FIGNL2: variants seen among roughly 807,000 people sequenced by gnomAD.
FIGNL2 encodes the protein fidgetin like 2.
For synonymous variants in FIGNL2, 565 were observed against 484.0 expected (o/e 1.17, Z -2.20); for missense variants, 1,060 against 950.2 (o/e 1.12, Z -1.52).
chr12:51,822,536 C>G, intron 1 of FIGNL2, 112 bp from the exon 2 acceptor site: 1 of 1,209,790 alleles, frequency 8.3e-7, no homozygotes, highest in Non-Finnish European at 1.2e-6. Context: ...GCTGGGCTTC[C>G]GGCATCCACC....
chr12:51,830,221 G>A (rs1470302354), intron 1 of FIGNL2, among the ~76,000 whole-genome samples: 3 of 151,370 alleles, frequency 2.0e-5, no homozygotes, highest in Admixed American at 6.6e-5. Context: ...CCTGGAAGGC[G>A]GAGGTTGCAG....
At chr12:51,845,407 A>C in intron 1 of FIGNL2, 17 of 949,588 alleles carry the variant, frequency 1.8e-5, no homozygotes, top group Non-Finnish European at 2.1e-5. Context: ...GGACCAGCCC[A>C]AGGCTAAGGT....
chr12:51,832,087 C>A (rs1353506506), intron 1 of FIGNL2, among the ~76,000 whole-genome samples: 11 of 152,082 alleles, frequency 7.2e-5, no homozygotes, highest in Non-Finnish European at 8.8e-5. Context: ...CACGATCTTG[C>A]CTCGCTGCAA....
At chr12:51,835,805 CTTTT>C (rs34284176) in intron 1 of FIGNL2, among the ~76,000 whole-genome samples, 13 of 139,998 alleles carry the variant, frequency 9.3e-5, no homozygotes, top group Admixed American at 2.1e-4. Flanking sequence ...ATCTAGACTT[CTTTT>C]TTTTTTTTTT....
At chr12:51,831,239 A>G (rs1262754806) in intron 1 of FIGNL2, among the ~76,000 whole-genome samples, 2 of 152,236 alleles carry the variant, frequency 1.3e-5, no homozygotes, top group Non-Finnish European at 2.9e-5. Flanking sequence ...AGAATGCTGG[A>G]GGTTCAGAGA....
intron 1 of FIGNL2, chr12:51,845,356 C>T (rs1472820351): frequency 1.8e-6 from 1 of 562,636 alleles, no homozygotes; most frequent in Non-Finnish European, 2.3e-6. Flanking sequence ...TCCCTCTGCC[C>T]TGATCTCCCT....
chr12:51,846,013 A>G (rs1939744471), intron 1 of FIGNL2, among the ~76,000 whole-genome samples: 1 of 152,166 alleles, frequency 6.6e-6, no homozygotes, highest in Non-Finnish European at 1.5e-5. Context: ...AGGGGTCTCC[A>G]CCACCCAAGA....
rs1365667689 is a variant in FIGNL2 at position 51,821,792 on chromosome 12, C to T, written c.622G>A (p.Gly208Arg). The T allele has an allele frequency of 5.5e-6, 7 of 1,276,092 alleles. No individual in the cohort carries two copies. The highest frequency in any genetic ancestry group is 6.9e-6 in the Non-Finnish European group (7 of 1,017,168). 79.0% of individuals were successfully genotyped at this position (1,276,092 alleles called of 1,614,324 possible). A position where few individuals can be genotyped will look rare whatever the true frequency, so the allele number is the denominator to read the frequency against. The change falls in exon 2 of 2, where the codon GGG (glycine) becomes AGG (arginine). Residue 208 changes from glycine (G) to arginine (R), a missense_variant. By Grantham distance (125) the Gly-to-Arg change is moderately radical. Transcript: ENST00000618634. ...TAGCCGGGCTGCGCTGCGTAGCCCC[C>T]TGCGGGATAGTTGTACAGCGGCGCT... is the stretch of plus-strand genomic sequence containing the variant. ...PSAPLYNYPA[G>R]GYAAQPGYGA...
At chr12:51,839,947 A>G (rs1939634051) in intron 1 of FIGNL2, among the ~76,000 whole-genome samples, 2 of 152,202 alleles carry the variant, frequency 1.3e-5, no homozygotes, top group East Asian at 3.8e-4. Context: ...GGGAACGAGG[A>G]TGACCTGGAC....
intron 1 of FIGNL2, among the ~76,000 whole-genome samples, chr12:51,838,487 T>C (rs1939612286): frequency 6.6e-6 from 1 of 152,144 alleles, no homozygotes; most frequent in Admixed American, 6.6e-5. Flanking sequence ...TGCAGGGGTC[T>C]CTGAGCCCAC....
At chr12:51,833,159 T>C (rs941948640) in intron 1 of FIGNL2, among the ~76,000 whole-genome samples, 13 of 152,116 alleles carry the variant, frequency 8.5e-5, no homozygotes, top group African/African-American at 1.2e-4. Flanking sequence ...GCAGTCCTCC[T>C]ACCTCAGCCT....
At chr12:51,842,443 G>A (rs186519657) in intron 1 of FIGNL2, among the ~76,000 whole-genome samples, 1 of 152,280 alleles carries the variant, frequency 6.6e-6, no homozygotes, top group Admixed American at 6.5e-5. Flanking sequence ...GGCTGGGTGG[G>A]GAGGGAGCCG....
intron 1 of FIGNL2, among the ~76,000 whole-genome samples, chr12:51,831,571 A>T (rs558729485): frequency 1.3e-5 from 2 of 152,260 alleles, no homozygotes; most frequent in South Asian, 2.1e-4. Flanking sequence ...CAGGGAGCAC[A>T]CCCCTGAGCG....
At chr12:51,828,741 G>A (rs1268711085) in intron 1 of FIGNL2, among the ~76,000 whole-genome samples, 1 of 152,148 alleles carries the variant, frequency 6.6e-6, no homozygotes, top group Non-Finnish European at 1.5e-5. Flanking sequence ...CTGGCTTCCT[G>A]GGGCAGCAAA....
rs181527612 is a variant in FIGNL2, at chr12:51,831,852, C to T, written c.-11-9428G>A. 2.1e-3 allele frequency: 326 copies of T among 154,250 alleles called. 3 individuals are homozygous for T. The highest frequency in any genetic ancestry group is 7.1e-3 in the African/African-American group (295 of 41,556). The allele number at this position is 154,250 out of a possible 1,614,324, so 9.6% of individuals were successfully genotyped here. A position where few individuals can be genotyped will look rare whatever the true frequency, so the allele number is the denominator to read the frequency against. ...GGAAAAAAAGCCCAAAATATATATA[C>T]ATTTTTGAGACAAGGTCTTGCTCTG... On this transcript the variant is annotated intron_variant, in intron 1 of 1. Coordinates refer to ENST00000618634, the MANE Select transcript of FIGNL2 (RefSeq NM_001384995.1).
intron 1 of FIGNL2, among the ~76,000 whole-genome samples, chr12:51,846,826 A>G (rs1381961076): frequency 7.9e-5 from 12 of 152,224 alleles, no homozygotes; most frequent in Non-Finnish European, 1.6e-4. Flanking sequence ...CTTTGGCCCA[A>G]AAGGGCTTCG....
intron 1 of FIGNL2, among the ~76,000 whole-genome samples, chr12:51,835,697 C>G (rs1473068433): frequency 6.6e-6 from 1 of 152,206 alleles, no homozygotes; most frequent in East Asian, 1.9e-4. Context: ...GACACAGAAC[C>G]TTTCCATCAC....
At chr12:51,832,853 G>A (rs898535012) in intron 1 of FIGNL2, among the ~76,000 whole-genome samples, 1 of 152,060 alleles carries the variant, frequency 6.6e-6, no homozygotes, top group Non-Finnish European at 1.5e-5. Context: ...TCCCACATCC[G>A]CAACCTAGCC....
rs183178916 is a variant in FIGNL2 at position 51,830,714 on chromosome 12, A to C, written c.-11-8290T>G. On this transcript the variant is annotated intron_variant, in intron 1 of 1. Coordinates refer to ENST00000618634, the MANE Select transcript of FIGNL2 (RefSeq NM_001384995.1). ...CACCATGTTGGCCAGGCTGGTCTCA[A>C]ACTCCTGACCTCATGATTCGCCCGC... Among the ~76,000 whole-genome samples the C allele has an allele frequency of 1.7e-3, 261 of 152,108 alleles. 2 individuals are homozygous for C. Among genetic ancestry groups the C allele is most frequent in the Non-Finnish European group, 3.4e-3 (234 of 67,996 alleles).
Sources: allele counts gnomAD v4.1 joint callset (sites outside exome capture counted in the v4.1 genomes callset), GRCh38; gene constraint gnomAD v4.1.1; transcripts MANE v1.5; gene names NCBI Gene and HGNC (gene_info 2026-07-23, HGNC 2026-07-21).